Variants in PCDHGA3 observed in about 807,000 individuals in gnomAD.
The protein encoded by PCDHGA3 is protocadherin gamma subfamily A, 3.
A neutral mutation model predicts 58.5 loss-of-function variants in PCDHGA3; 40 were observed. The observed-to-expected ratio is 0.68, with a 90% CI of 0.53 to 0.89. The LOEUF is 0.89. Among genes scored for constraint, PCDHGA3 ranks in the 40% least tolerant of loss-of-function variants. PCDHGA3 has a pLI of 0.00. For missense variants in PCDHGA3, 1,223 were observed against 1,195.9 expected, an observed-to-expected ratio of 1.02 and a Z score of -0.33; for synonymous variants, 530 against 525.7, an observed-to-expected ratio of 1.01 and a Z score of -0.11.
rs1346546972 is a variant in PCDHGA3 at position 141,344,397 on chromosome 5, G to T, written c.364G>T (p.Glu122Ter). The change falls in exon 1 of 4, where the codon GAA becomes TAA. Residue 122 changes from glutamate (E) to a stop codon, truncating the protein, a stop_gained. Transcript: ENST00000253812. LOFTEE classifies it high-confidence loss of function. Reference sequence around the variant, plus strand: ...ATTGAAAATTTTTGAAGTAGAAATAGAAATTAAAGATATTAATGATAATGC... The same window carrying T: ...ATTGAAAATTTTTGAAGTAGAAATATAAATTAAAGATATTAATGATAATGC... ...DKLKIFEVEIEIKDINDNAPN... is the reference protein window; with the variant it reads ...DKLKIFEVEI 2 of 1,611,536 alleles carry T rather than the reference G, an allele frequency of 1.2e-6. No individual in the cohort carries two copies. Among genetic ancestry groups the T allele is most frequent in the Non-Finnish European group, 1.7e-6 (2 of 1,178,800 alleles).
In PCDHGA3 at chr5:141,485,974, A is replaced by G. The variant is rs755735500; in HGVS notation, c.2425-8833A>G. 1.9e-6 allele frequency: 3 copies of G among 1,614,108 alleles called. No homozygotes were observed. The highest frequency in any genetic ancestry group is 1.7e-5 in the Admixed American group (1 of 60,014). On this transcript the variant is annotated intron_variant, in intron 1 of 3. Coordinates refer to ENST00000253812, the MANE Select transcript of PCDHGA3 (RefSeq NM_018916.4). This position sits in a 1 kb window ranked among gnomAD's most constrained non-coding sequence, Gnocchi z 5.7. ...TGGTGCTCATCCAGCTCAATGCCTC[A>G]GACCCGGACCTGGGTCCCAGTGGTA...
At chr5:141,444,152 A>ATTTTTTTTTTTT (rs747671382) in intron 1 of PCDHGA3, among the ~76,000 whole-genome samples, 4 of 33,898 alleles carry the variant, frequency 1.2e-4, no homozygotes, top group Admixed American at 3.9e-4. Flanking sequence ...TGTGTACTGG[A>ATTTTTTTTTTTT]TTTTTTTTTT....
At position 141,486,368 on chromosome 5, in the gene PCDHGA3, T is replaced by C. The variant is rs1217513529; in HGVS notation, c.2425-8439T>C. 6.2e-7 allele frequency: 1 copy of C among 1,614,014 alleles called. No homozygotes were observed. Among genetic ancestry groups the C allele is most frequent in the Non-Finnish European group, 8.5e-7 (1 of 1,180,000 alleles). On this transcript the variant is annotated intron_variant, in intron 1 of 3. Coordinates refer to ENST00000253812, the MANE Select transcript of PCDHGA3 (RefSeq NM_018916.4). This position sits in a 1 kb window ranked among gnomAD's most constrained non-coding sequence, Gnocchi z 5.0. ...TGACCACTTGCCATTTGCCCTCAAGTCTGCCTTCAGGAACCAGTTCTCCCT... is the reference window on the plus strand; with the variant it reads ...TGACCACTTGCCATTTGCCCTCAAGCCTGCCTTCAGGAACCAGTTCTCCCT...
At position 141,489,748 on chromosome 5, in the gene PCDHGA3, T is replaced by C. The variant is rs763688648; in HGVS notation, c.2425-5059T>C. On this transcript the variant is annotated intron_variant, in intron 1 of 3. Transcript: ENST00000253812. The surrounding 1 kb of genome is among the most constrained non-coding windows in gnomAD (Gnocchi z 4.5). ...TGTGGGCACCAATACTGTGAGCTTT[T>C]ACACTCTAAGCCCCAACAGCCACTT... is the stretch of plus-strand genomic sequence containing the variant. The C allele has an allele frequency of 1.8e-5, 29 of 1,614,038 alleles. No homozygotes were observed. Among genetic ancestry groups the C allele is most frequent in the Non-Finnish European group, 1.6e-5 (19 of 1,180,010 alleles).
In PCDHGA3 at chr5:141,408,496, G is replaced by C. The variant is rs758752081; in HGVS notation, c.2424+62039G>C. On this transcript the variant is annotated intron_variant, in intron 1 of 3. Coordinates refer to ENST00000253812, the MANE Select transcript of PCDHGA3 (RefSeq NM_018916.4). The stretch of plus-strand genomic sequence containing the variant: ...TAGACCGTGAGCAAATATGCAAAGA[G>C]AGAAGAAGATGTGAGTTGCAATTGG... 21 of 1,613,960 alleles carry C rather than the reference G, an allele frequency of 1.3e-5. No individual in the cohort carries two copies. In the East Asian group the frequency reaches 1.3e-4, roughly 10 times the overall value.
chr5:141,355,618 A>G (rs1759917068), intron 1 of PCDHGA3: 1 of 1,613,896 alleles, frequency 6.2e-7, no homozygotes, highest in Admixed American at 1.7e-5. Context: ...ACAGAGGGAA[A>G]TAAAAGTTGC....
chr5:141,377,273 A>G (rs910126061), intron 1 of PCDHGA3: 1 of 96,864 alleles, frequency 1.0e-5, no homozygotes, highest in African/African-American at 5.8e-5. Flanking sequence ...CTAATGTGGG[A>G]AAAAAAATAA....
chr5:141,393,603 G>C, intron 1 of PCDHGA3: 1 of 1,613,928 alleles, frequency 6.2e-7, no homozygotes, highest in East Asian at 2.2e-5. Flanking sequence ...GCTGCTTACT[G>C]TAACAGCCAG....
chr5:141,407,985 A>G, intron 1 of PCDHGA3: 1 of 789,616 alleles, frequency 1.3e-6, no homozygotes, highest in Non-Finnish European at 1.9e-6. Flanking sequence ...GGGATCCGTC[A>G]GCCTCTGGCC....
At chr5:141,446,098 A>G (rs375135134) in intron 1 of PCDHGA3, among the ~76,000 whole-genome samples, 2 of 152,350 alleles carry the variant, frequency 1.3e-5, no homozygotes, top group African/African-American at 4.8e-5. Flanking sequence ...TGGATGAATT[A>G]TAGATATATT....
At chr5:141,363,105 T>C (rs542430438) in intron 1 of PCDHGA3, among the ~76,000 whole-genome samples, 1 of 152,370 alleles carries the variant, frequency 6.6e-6, no homozygotes, top group African/African-American at 2.4e-5. Context: ...CAGGCAATGT[T>C]TGAGGTCTGA....
At chr5:141,430,979 C>A (rs370494413) in intron 1 of PCDHGA3, 2 of 1,613,642 alleles carry the variant, frequency 1.2e-6, no homozygotes, top group Non-Finnish European at 1.7e-6. Context: ...TAGGACGCAG[C>A]TTTTCGCCCT....
chr5:141,362,525 G>T lies in PCDHGA3; in HGVS notation c.2424+16068G>T, dbSNP rs201960802. ...CAAAATACAAATCATGGAGCCGCTG[G>T]GGTCCCTTTTGCCTCAGATACTATT... On this transcript the variant is annotated intron_variant, in intron 1 of 3. Transcript: ENST00000253812. 422 of 1,613,832 alleles carry T rather than the reference G, an allele frequency of 2.6e-4. 1 individual carries two copies. The highest frequency in any genetic ancestry group is 3.3e-4 in the Non-Finnish European group (391 of 1,179,896).
chr5:141,345,161 T>C lies in PCDHGA3; in HGVS notation c.1128T>C (p.Ser376=), dbSNP rs374098708. The change falls in exon 1 of 4, where the codon TCT becomes TCC. Residue 376 remains serine (S), a synonymous_variant. Coordinates refer to ENST00000253812, the MANE Select transcript of PCDHGA3 (RefSeq NM_018916.4). ...IALIDVHDRD[S]GQNGQVEVFV... ...TTATCGACGTGCATGACCGAGATTC[T>C]GGGCAGAATGGGCAGGTTGAAGTTT... The C allele has an allele frequency of 6.2e-7, 1 of 1,613,888 alleles. No individual in the cohort carries two copies. The highest frequency in any genetic ancestry group is 1.3e-5 in the African/African-American group (1 of 74,916).
At chr5:141,351,572 A>G (rs561261966) in intron 1 of PCDHGA3, 30 of 1,614,024 alleles carry the variant, frequency 1.9e-5, no homozygotes, top group African/African-American at 2.7e-5. Context: ...CACCCTGCAC[A>G]TCTCCGACAT....
chr5:141,355,664 C>T (rs1282736440), intron 1 of PCDHGA3: 2 of 1,613,972 alleles, frequency 1.2e-6, no homozygotes, highest in Admixed American at 3.3e-5. Flanking sequence ...TTTCCTCTTC[C>T]TGAAGCTTTT....
chr5:141,456,047 A>G (rs1321504293), intron 1 of PCDHGA3, among the ~76,000 whole-genome samples: 3 of 151,774 alleles, frequency 2.0e-5, no homozygotes, highest in Non-Finnish European at 4.4e-5. Context: ...ACAGGCGCCC[A>G]CCACCACGTC....
chr5:141,417,776 C>T (rs2096161387), intron 1 of PCDHGA3: 1 of 1,469,712 alleles, frequency 6.8e-7, no homozygotes, highest in South Asian at 1.4e-5. Context: ...CTCCTCCTGT[C>T]CTGGGCCGAA....
rs751560177 is a variant in PCDHGA3 at position 141,432,962 on chromosome 5, G to T, written c.2425-61845G>T. 7 of 1,614,092 alleles carry T rather than the reference G, an allele frequency of 4.3e-6. No individual in the cohort carries two copies. The highest frequency in any genetic ancestry group is 5.9e-6 in the Non-Finnish European group (7 of 1,180,046). Reference sequence around the variant, plus strand: ...GGCTTCAGGAGGCGGCTTGACAGGAGCGCCGGCGTCGCACTTTGTGGGCGT... The same window carrying T: ...GGCTTCAGGAGGCGGCTTGACAGGATCGCCGGCGTCGCACTTTGTGGGCGT... On this transcript the variant is annotated intron_variant, in intron 1 of 3. Transcript: ENST00000253812. The surrounding 1 kb of genome is among the most constrained non-coding windows in gnomAD (Gnocchi z 6.0).
Sources: allele counts gnomAD v4.1 joint callset (sites outside exome capture counted in the v4.1 genomes callset), GRCh38; gene constraint gnomAD v4.1.1; non-coding constraint Gnocchi (gnomAD v3.1); transcripts MANE v1.5; gene names NCBI Gene and HGNC (gene_info 2026-07-23, HGNC 2026-07-21).